Variants in BAZ2B observed in about 807,000 individuals in gnomAD.
The protein encoded by BAZ2B is bromodomain adjacent to zinc finger domain protein 2B.
Under a neutral mutation model 246.0 loss-of-function variants are expected in BAZ2B, and 91 were observed. That is an observed-to-expected ratio of 0.37 (90% confidence interval 0.31 to 0.44). The LOEUF is 0.44. BAZ2B is among the 20% of genes least tolerant of loss of function. The pLI, the probability that BAZ2B is intolerant of heterozygous loss-of-function variation, is 1.00. For synonymous variants in BAZ2B, 855 were observed against 860.0 expected (o/e 0.99, Z 0.10); for missense variants, 2,332 against 2,533.7 (o/e 0.92, Z 1.71).
chr2:159,617,069 A>C (rs2151847922), upstream of BAZ2B: 1 of 152,360 alleles, frequency 6.6e-6, no homozygotes, highest in Non-Finnish European at 1.5e-5. Context: ...AATAAAATTT[A>C]AATAAAAGAC....
chr2:159,358,528 C>A (rs573385655), intron 27 of BAZ2B, among the ~76,000 whole-genome samples: 1 of 152,036 alleles, frequency 6.6e-6, no homozygotes, highest in Non-Finnish European at 1.5e-5. Flanking sequence ...ACTTTAACAC[C>A]CCACTGTCAA....
intron 1 of BAZ2B, among the ~76,000 whole-genome samples, chr2:159,612,805 C>T (rs148298351): frequency 6.6e-6 from 1 of 152,056 alleles, no homozygotes; most frequent in Admixed American, 6.6e-5. Flanking sequence ...GTTATGCACT[C>T]CCATAAGAAA....
At chr2:159,500,609 C>T (rs193037075) in intron 2 of BAZ2B, among the ~76,000 whole-genome samples, 35 of 152,160 alleles carry the variant, frequency 2.3e-4, no homozygotes, top group African/African-American at 5.5e-4. Flanking sequence ...AGTACAAGGC[C>T]CTAAGTATAC....
chr2:159,618,327 C>T (rs1696286172), upstream of BAZ2B, among the ~76,000 whole-genome samples: 1 of 152,140 alleles, frequency 6.6e-6, no homozygotes. Context: ...GCTCTGCATT[C>T]CTTTCAAGCT....
chr2:159,413,197 T>A (rs889797596), intron 13 of BAZ2B, among the ~76,000 whole-genome samples: 2 of 152,164 alleles, frequency 1.3e-5, no homozygotes, highest in African/African-American at 2.4e-5. Flanking sequence ...AGCCTCTAGA[T>A]TTAATTACAA....
chr2:159,602,211 C>A (rs1254685590), intron 1 of BAZ2B, among the ~76,000 whole-genome samples: 8 of 152,104 alleles, frequency 5.3e-5, no homozygotes, highest in African/African-American at 1.9e-4. Flanking sequence ...CCATATTTCT[C>A]GCTATATTGG....
intron 18 of BAZ2B, among the ~76,000 whole-genome samples, chr2:159,398,484 CTAAACA>C (rs143667409): frequency 0.012 from 1,877 of 151,866 alleles, 17 homozygotes; most frequent in Middle Eastern, 0.02. Context: ...TAGTTTATGC[CTAAACA>C]TAAACATAAA....
At chr2:159,604,761 A>T (rs1578865018) in intron 1 of BAZ2B, among the ~76,000 whole-genome samples, 1 of 152,200 alleles carries the variant, frequency 6.6e-6, no homozygotes, top group East Asian at 1.9e-4. Context: ...TTGGGCCTTA[A>T]CATAGGCATA....
chr2:159,620,352 A>G (rs1178814209), upstream of BAZ2B, among the ~76,000 whole-genome samples: 1 of 152,232 alleles, frequency 6.6e-6, no homozygotes, highest in Non-Finnish European at 1.5e-5. Context: ...TTGAACAAAC[A>G]TTTGAGTGCT....
intron 26 of BAZ2B, 86 bp from the exon 27 acceptor site, chr2:159,373,275 C>T: frequency 8.2e-7 from 1 of 1,214,240 alleles, no homozygotes; most frequent in South Asian, 2.3e-5. Context: ...ACTTATTGTA[C>T]CTTTAAGCAC....
chr2:159,625,110 C>T, the BAZ2B span, among the ~76,000 whole-genome samples: 8 of 151,652 alleles, frequency 5.3e-5, no homozygotes, highest in Non-Finnish European at 7.4e-5. Context: ...TAAAATAAAG[C>T]GAGAAGACAA....
At chr2:159,699,370 C>T in the BAZ2B span, among the ~76,000 whole-genome samples, 16 of 152,080 alleles carry the variant, frequency 1.1e-4, no homozygotes, top group South Asian at 3.3e-3. Context: ...CAGTGAGACC[C>T]CACCTTTTTT....
chr2:159,696,092 GA>G, the BAZ2B span, among the ~76,000 whole-genome samples: 1 of 152,078 alleles, frequency 6.6e-6, no homozygotes, highest in Non-Finnish European at 1.5e-5. Flanking sequence ...TGTTTCTTAG[GA>G]GGGGGTTATA....
intron 36 of BAZ2B, among the ~76,000 whole-genome samples, chr2:159,322,289 T>G (rs1420616248): frequency 6.6e-6 from 1 of 152,182 alleles, no homozygotes. Flanking sequence ...TCACATAAAA[T>G]TAACCATATT....
At chr2:159,469,734 C>G (rs2077543852) in intron 3 of BAZ2B, among the ~76,000 whole-genome samples, 1 of 152,114 alleles carries the variant, frequency 6.6e-6, no homozygotes, top group South Asian at 2.1e-4. Flanking sequence ...AGCCACCATG[C>G]CCGGCCTATA....
intron 2 of BAZ2B, among the ~76,000 whole-genome samples, chr2:159,523,695 C>A (rs2151277221): frequency 6.6e-6 from 1 of 152,076 alleles, no homozygotes; most frequent in East Asian, 1.9e-4. Context: ...GAGACTCCGT[C>A]TCAAAAAAAA....
At chr2:159,403,379 A>C (rs951248076) in intron 16 of BAZ2B, among the ~76,000 whole-genome samples, 3 of 152,196 alleles carry the variant, frequency 2.0e-5, no homozygotes, top group African/African-American at 7.2e-5. Flanking sequence ...AGTAGCAAAG[A>C]CCATGTGGAT....
At chr2:159,620,719 G>C (rs905935916), upstream of BAZ2B, among the ~76,000 whole-genome samples, 1 of 152,052 alleles carries the variant, frequency 6.6e-6, no homozygotes, top group African/African-American at 2.4e-5. Flanking sequence ...CTGTATGCGG[G>C]AATATTCAGT....
the BAZ2B span, among the ~76,000 whole-genome samples, chr2:159,637,613 A>G: frequency 6.6e-6 from 1 of 152,188 alleles, no homozygotes; most frequent in Non-Finnish European, 1.5e-5. Flanking sequence ...GCTGGAGTGC[A>G]GTGGCACGAT....
Sources: gnomAD v4.1 joint callset for allele counts (sites outside exome capture counted in the v4.1 genomes callset) on GRCh38, gnomAD v4.1.1 for gene constraint, MANE v1.5 for transcripts, NCBI Gene and HGNC (gene_info 2026-07-23, HGNC 2026-07-21) for gene names.